Variants in NT5DC3 observed in about 807,000 individuals in gnomAD.
The protein encoded by NT5DC3 is 5'-nucleotidase domain-containing protein 3.
NT5DC3 carries 42 observed loss-of-function variants against 67.8 expected under a neutral mutation model. The observed-to-expected ratio is 0.62, with a 90% CI of 0.48 to 0.80. The LOEUF (loss-of-function observed/expected upper bound fraction) is 0.80. Among genes scored for constraint, NT5DC3 ranks in the 30% least tolerant of loss-of-function variants. NT5DC3 has a pLI of 0.00. For missense variants in NT5DC3, 570 were observed against 696.4 expected (o/e 0.82, Z 2.04); for synonymous variants, 237 against 255.6 (o/e 0.93, Z 0.69).
intron 11 of NT5DC3, among the ~76,000 whole-genome samples, chr12:103,786,448 G>A (rs146677630): frequency 7.2e-5 from 11 of 152,258 alleles, no homozygotes; most frequent in African/African-American, 2.4e-4. Context: ...CAAAACAGGG[G>A]GCAGAGGCAG....
At chr12:103,748,986 A>C in the NT5DC3 span, 3 of 1,613,926 alleles carry the variant, frequency 1.9e-6, no homozygotes, top group Non-Finnish European at 2.5e-6. Context: ...CAAACAGGAC[A>C]ACGGGGGCTG....
At chr12:103,753,118 G>A in the NT5DC3 span, 2 of 1,463,464 alleles carry the variant, frequency 1.4e-6, no homozygotes, top group African/African-American at 1.4e-5. Flanking sequence ...GACACCCTGG[G>A]GTATAGCTGG....
intron 12 of NT5DC3, among the ~76,000 whole-genome samples, chr12:103,783,881 TCA>T (rs1214658302): frequency 6.6e-6 from 1 of 151,374 alleles, no homozygotes; most frequent in African/African-American, 2.4e-5. Context: ...GCTGCCAGGG[TCA>T]CAGAGATTTC....
At chr12:103,812,865 G>A (rs1399501920) in intron 2 of NT5DC3, among the ~76,000 whole-genome samples, 3 of 152,198 alleles carry the variant, frequency 2.0e-5, no homozygotes, top group African/African-American at 7.2e-5. Context: ...TTTATTGAGT[G>A]TTTTCTATGT....
intron 2 of NT5DC3, among the ~76,000 whole-genome samples, chr12:103,812,944 A>C (rs1033871588): frequency 1.3e-5 from 2 of 152,232 alleles, no homozygotes; most frequent in African/African-American, 4.8e-5. Flanking sequence ...TACTACGCCC[A>C]TTTTACAGGG....
rs374971255 is a variant in NT5DC3, at chr12:103,830,148, T to A, written c.208+10801A>T. 2.0e-5 allele frequency among the ~76,000 whole-genome samples: 3 copies of A among 152,162 alleles called. No homozygotes were observed. The East Asian group carries it at 5.8e-4, about 29-fold the overall frequency. On this transcript the variant is annotated intron_variant, in intron 1 of 13. Transcript: ENST00000392876. The stretch of plus-strand genomic sequence containing the variant: ...ACATTTACTCATTTAAACCTACCAA[T>A]CCTCGGAGACAGGTATTATTGTTAG...
intron 2 of NT5DC3, among the ~76,000 whole-genome samples, chr12:103,807,430 G>A (rs188549669): frequency 9.3e-4 from 141 of 152,230 alleles, no homozygotes; most frequent in Middle Eastern, 3.4e-3. Context: ...GCCCCTGGAC[G>A]GCCCCATTAC....
the NT5DC3 span, chr12:103,749,152 G>A: frequency 6.3e-7 from 1 of 1,595,694 alleles, no homozygotes; most frequent in Non-Finnish European, 8.6e-7. Context: ...AAGATGACAG[G>A]CCCGGTGAGT....
At chr12:103,796,141 G>T (rs1193181290) in intron 6 of NT5DC3, among the ~76,000 whole-genome samples, 1 of 152,212 alleles carries the variant, frequency 6.6e-6, no homozygotes, top group Admixed American at 6.5e-5. Context: ...ACCTTTGTAG[G>T]CAAAGGAAAA....
intron 2 of NT5DC3, 139 bp from the exon 3 acceptor site, chr12:103,807,068 T>G: frequency 1.7e-6 from 1 of 593,258 alleles, no homozygotes; most frequent in Non-Finnish European, 3.1e-6. Context: ...GACCACAGCT[T>G]GTCCCTCTGC....
At chr12:103,765,086 CAAA>C in the NT5DC3 span, among the ~76,000 whole-genome samples, 30 of 66,490 alleles carry the variant, frequency 4.5e-4, no homozygotes, top group African/African-American at 1.0e-3. Flanking sequence ...GACTCTGTCT[CAAA>C]AAAAAAAAAA....
At chr12:103,781,057 A>T (rs938912509) in intron 12 of NT5DC3, among the ~76,000 whole-genome samples, 2 of 152,232 alleles carry the variant, frequency 1.3e-5, no homozygotes, top group African/African-American at 4.8e-5. Context: ...GGTGGGCCAA[A>T]ATATGGGCGA....
At chr12:103,756,471 G>A in the NT5DC3 span, among the ~76,000 whole-genome samples, 1 of 152,004 alleles carries the variant, frequency 6.6e-6, no homozygotes, top group South Asian at 2.1e-4. Flanking sequence ...CACATGACAG[G>A]TGCTCCATAA....
At chr12:103,753,417 C>A in the NT5DC3 span, 38 of 1,609,230 alleles carry the variant, frequency 2.4e-5, 1 homozygote, top group Non-Finnish European at 3.1e-5. Context: ...GCAGCCCTTT[C>A]TTAAGATGGG....
chr12:103,788,584 T>C (rs1885897673), intron 10 of NT5DC3, among the ~76,000 whole-genome samples: 1 of 152,224 alleles, frequency 6.6e-6, no homozygotes, highest in Non-Finnish European at 1.5e-5. Flanking sequence ...TGGCATCTTA[T>C]ATGTTACACA....
chr12:103,747,946 G>A, the NT5DC3 span, among the ~76,000 whole-genome samples: 1 of 139,046 alleles, frequency 7.2e-6, no homozygotes, highest in Non-Finnish European at 1.5e-5. Flanking sequence ...AGTGAGCTGA[G>A]ATCAGGCCAC....
the NT5DC3 span, chr12:103,762,472 T>C: frequency 6.2e-7 from 1 of 1,608,088 alleles, no homozygotes; most frequent in East Asian, 2.2e-5. Context: ...CCTGGGCTGC[T>C]TCAGTCGGTG....
At chr12:103,764,342 C>A in the NT5DC3 span, among the ~76,000 whole-genome samples, 1 of 152,270 alleles carries the variant, frequency 6.6e-6, no homozygotes, top group South Asian at 2.1e-4. Flanking sequence ...GCTTTTGGAG[C>A]TACTTTTCTT....
At chr12:103,748,605 T>TACACAC in the NT5DC3 span, among the ~76,000 whole-genome samples, 59 of 141,806 alleles carry the variant, frequency 4.2e-4, no homozygotes, top group South Asian at 7.0e-4. Flanking sequence ...CACACACACA[T>TACACAC]ACACACACAC....
Sources: gnomAD v4.1 joint callset for allele counts (sites outside exome capture counted in the v4.1 genomes callset) on GRCh38, gnomAD v4.1.1 for gene constraint, MANE v1.5 for transcripts, NCBI Gene and HGNC (gene_info 2026-07-23, HGNC 2026-07-21) for gene names.